NRROS: variants seen among roughly 807,000 people sequenced by gnomAD.
NRROS encodes the protein transforming growth factor beta activator LRRC33.
Under a neutral mutation model 12.0 loss-of-function variants are expected in NRROS, and 6 were observed. The observed-to-expected ratio is 0.50, with a 90% confidence interval of 0.27 to 0.98. The LOEUF (loss-of-function observed/expected upper bound fraction) is 0.98. NRROS is among the 50% of genes least tolerant of loss of function. The pLI is 0.11. For synonymous variants in NRROS, 462 were observed against 410.2 expected (o/e 1.13, Z -1.53); for missense variants, 857 against 888.2 (o/e 0.96, Z 0.45).
At chr3:196,657,176 C>G in intron 2 of NRROS, among the ~76,000 whole-genome samples, 1 of 151,282 alleles carries the variant, frequency 6.6e-6, no homozygotes, top group Non-Finnish European at 1.5e-5. Context: ...TGCACTCCAG[C>G]CTGGGCGACA....
At position 196,654,035 on chromosome 3, in the gene NRROS, A is replaced by G. The variant is rs1377135654; in HGVS notation, c.-13-492A>G. ...AACGCTTTTGTAACAGCCCCACATCAGCAGCTGAGGAGTAACTCTGGGACA... is the reference window on the plus strand; with the variant it reads ...AACGCTTTTGTAACAGCCCCACATCGGCAGCTGAGGAGTAACTCTGGGACA... On this transcript the variant is annotated intron_variant, in intron 1 of 2. Transcript: ENST00000328557. This position sits in a 1 kb window ranked among gnomAD's most constrained non-coding sequence, Gnocchi z 4.4. Among the ~76,000 whole-genome samples the G allele has an allele frequency of 6.6e-6, 1 of 152,204 alleles. No individual in the cohort carries two copies. Among genetic ancestry groups the G allele is most frequent in the Non-Finnish European group, 1.5e-5 (1 of 68,040 alleles).
At chr3:196,643,488 G>GTGC (rs1396964946) in intron 1 of NRROS, among the ~76,000 whole-genome samples, 1 of 152,232 alleles carries the variant, frequency 6.6e-6, no homozygotes. Flanking sequence ...CCTAAGGCAG[G>GTGC]TGCTGCGCCA....
intron 2 of NRROS, among the ~76,000 whole-genome samples, chr3:196,659,168 G>C (rs1233352213): frequency 6.6e-6 from 1 of 152,064 alleles, no homozygotes; most frequent in Admixed American, 6.6e-5. Context: ...CCCTGTTTAG[G>C]AAAAGCACTG....
chr3:196,660,022 GC>G lies in NRROS; in HGVS notation c.382del (p.Leu128SerfsTer17). On this transcript the variant is annotated frameshift_variant, in exon 3 of 3. Transcript: ENST00000328557. LOFTEE classifies it low-confidence loss of function (END_TRUNC). This position sits in a 1 kb window ranked among gnomAD's most constrained non-coding sequence, Gnocchi z 7.7. ...AGAGAACTACGAAGAGACGGCAGCC[GC>G]CCTCCACGCCCTGCCGGGCCTGCGG... Reference protein sequence around the residue: ...LSENYEETAAALHALPGLRRL... With the variant: ...LSENYEETAAXLHALPGLRRL... The G allele has an allele frequency of 6.2e-7, 1 of 1,613,118 alleles. No individual in the cohort carries two copies. Among genetic ancestry groups the G allele is most frequent in the Non-Finnish European group, 8.5e-7 (1 of 1,179,900 alleles).
chr3:196,643,964 T>C (rs1225807313), intron 1 of NRROS, among the ~76,000 whole-genome samples: 1 of 152,208 alleles, frequency 6.6e-6, no homozygotes, highest in Non-Finnish European at 1.5e-5. Flanking sequence ...TGCCTGGCCC[T>C]GGACCACCTC....
intron 1 of NRROS, among the ~76,000 whole-genome samples, chr3:196,640,317 A>T (rs1310404450): frequency 1.3e-5 from 2 of 152,286 alleles, no homozygotes; most frequent in East Asian, 3.9e-4. Context: ...CATGCTGAGC[A>T]CTGGGCTCTC....
chr3:196,658,376 T>C (rs533830638), intron 2 of NRROS, among the ~76,000 whole-genome samples: 3 of 152,230 alleles, frequency 2.0e-5, no homozygotes, highest in Non-Finnish European at 4.4e-5. Context: ...AGTTGAGGTT[T>C]CCATATGTCA....
chr3:196,652,719 C>T (rs1737453760), intron 1 of NRROS, among the ~76,000 whole-genome samples: 1 of 152,170 alleles, frequency 6.6e-6, no homozygotes, highest in Non-Finnish European at 1.5e-5. Flanking sequence ...GGCTTGCCTT[C>T]CAGTCTGAAG....
chr3:196,651,201 C>T (rs888572123), intron 1 of NRROS, among the ~76,000 whole-genome samples: 2 of 152,188 alleles, frequency 1.3e-5, no homozygotes, highest in East Asian at 3.9e-4. Context: ...TGTTTCTCAA[C>T]CTCAATGGTC....
rs548506703 is a variant in NRROS, at chr3:196,661,876, C to G, written c.*154C>G. ...CATTCCTCATCGCCCACCCCACCCC[C>G]GCCCCCACCACCGCCCAAGTTCTTT... On this transcript the variant is annotated 3_prime_UTR_variant, in exon 3 of 3. Coordinates refer to ENST00000328557, the MANE Select transcript of NRROS (RefSeq NM_198565.3). 1.9e-6 allele frequency: 1 copy of G among 516,444 alleles called. No individual in the cohort carries two copies. Among genetic ancestry groups the G allele is most frequent in the Non-Finnish European group, 3.2e-6 (1 of 309,052 alleles). 32.0% of individuals were successfully genotyped at this position (516,444 alleles called of 1,614,324 possible). A position where few individuals can be genotyped will look rare whatever the true frequency, so the allele number is the denominator to read the frequency against.
chr3:196,655,741 A>C (rs1434111234), intron 2 of NRROS, among the ~76,000 whole-genome samples: 1 of 152,204 alleles, frequency 6.6e-6, no homozygotes, highest in East Asian at 1.9e-4. Context: ...TCAGGCTAAG[A>C]AGACCCGGAG....
chr3:196,652,707 C>T (rs1290663216), intron 1 of NRROS, among the ~76,000 whole-genome samples: 1 of 152,188 alleles, frequency 6.6e-6, no homozygotes, highest in Non-Finnish European at 1.5e-5. Context: ...GACACAAGGC[C>T]TGGCTTGCCT....
At chr3:196,649,995 G>A (rs533607973) in intron 1 of NRROS, among the ~76,000 whole-genome samples, 23 of 152,240 alleles carry the variant, frequency 1.5e-4, no homozygotes, top group Admixed American at 2.0e-4. Context: ...GGTGGGGGTG[G>A]GGACGGTAAG....
intron 2 of NRROS, among the ~76,000 whole-genome samples, chr3:196,657,164 A>G (rs972829003): frequency 2.8e-4 from 42 of 151,436 alleles, no homozygotes; most frequent in Non-Finnish European, 5.3e-4. Flanking sequence ...AGATCGCGCC[A>G]CTGCACTCCA....
chr3:196,653,098 AG>A (rs1443940700), intron 1 of NRROS, among the ~76,000 whole-genome samples: 1 of 152,188 alleles, frequency 6.6e-6, no homozygotes, highest in African/African-American at 2.4e-5. Flanking sequence ...TCCTGAGGTC[AG>A]GAACCCGTAC....
chr3:196,652,547 T>C (rs1012816557), intron 1 of NRROS, among the ~76,000 whole-genome samples: 3 of 152,220 alleles, frequency 2.0e-5, no homozygotes, highest in Non-Finnish European at 2.9e-5. Flanking sequence ...AATTCCATGA[T>C]CTTCCCATGA....
At chr3:196,646,872 C>G (rs1218248581) in intron 1 of NRROS, among the ~76,000 whole-genome samples, 3 of 152,196 alleles carry the variant, frequency 2.0e-5, no homozygotes, top group South Asian at 2.1e-4. Flanking sequence ...CTGCCTTCGC[C>G]GAGCCGCCGC....
intron 2 of NRROS, among the ~76,000 whole-genome samples, chr3:196,655,326 G>A (rs1364517432): frequency 6.6e-6 from 1 of 151,766 alleles, no homozygotes; most frequent in African/African-American, 2.4e-5. Flanking sequence ...CCTGAGGTCA[G>A]GAGTTCGAGA....
At position 196,661,152 on chromosome 3, in the gene NRROS, C is replaced by A; in HGVS notation, c.1509C>A (p.Leu503=). The change falls in exon 3 of 3, where the codon CTC becomes CTA. Residue 503 remains leucine, a synonymous_variant. Transcript: ENST00000328557. ...SSNWGVLNGS[L]APLQDVAPML... ...ACTGGGGGGTTCTGAATGGGAGCCTCGCCCCACTCCAGGATGTTGCCCCCA... is the reference window on the plus strand; with the variant it reads ...ACTGGGGGGTTCTGAATGGGAGCCTAGCCCCACTCCAGGATGTTGCCCCCA... 1 of 1,612,428 alleles carries A rather than the reference C, an allele frequency of 6.2e-7. No individual in the cohort carries two copies.
Sources: allele counts gnomAD v4.1 joint callset (sites outside exome capture counted in the v4.1 genomes callset), GRCh38; gene constraint gnomAD v4.1.1; non-coding constraint Gnocchi (gnomAD v3.1); transcripts MANE v1.5; gene names NCBI Gene and HGNC (gene_info 2026-07-23, HGNC 2026-07-21).